Variants in PHF20 observed in about 807,000 individuals in gnomAD.
The protein encoded by PHF20 is glioma-expressed antigen 2.
Under a neutral mutation model 113.5 loss-of-function variants are expected in PHF20, and 23 were observed. The ratio of observed to expected loss-of-function variants is 0.20; its 90% CI spans 0.15 to 0.29. The LOEUF (loss-of-function observed/expected upper bound fraction) is 0.29, where lower values mean the gene tolerates loss of function less well. Among genes scored for constraint, PHF20 ranks in the 10% least tolerant of loss-of-function variants. The probability of loss-of-function intolerance (pLI) is 1.00; values close to 1 mark genes in which losing one functional copy is unlikely to be tolerated. For synonymous variants in PHF20, 434 were observed against 457.3 expected, an observed-to-expected ratio of 0.95 and a Z score of 0.65; for missense variants, 943 against 1,219.6, an observed-to-expected ratio of 0.77 and a Z score of 3.38.
At chr20:35,794,155 G>A (rs1379591898) in intron 1 of PHF20, among the ~76,000 whole-genome samples, 2 of 151,844 alleles carry the variant, frequency 1.3e-5, no homozygotes, top group African/African-American at 2.4e-5. Context: ...ACAAAAATTA[G>A]CCAGGCGTGG....
intron 10 of PHF20, among the ~76,000 whole-genome samples, chr20:35,906,762 AG>A (rs1180754762): frequency 1.3e-5 from 2 of 152,174 alleles, no homozygotes; most frequent in African/African-American, 4.8e-5. Flanking sequence ...CCCTCTCTCA[AG>A]GGAACATGGA....
chr20:35,921,782 T>G (rs1197769083), intron 13 of PHF20, among the ~76,000 whole-genome samples: 2 of 151,198 alleles, frequency 1.3e-5, no homozygotes, highest in African/African-American at 2.4e-5. Flanking sequence ...TTTAAAAGGA[T>G]GTTGAAGATC....
At chr20:35,916,955 G>A (rs1040943878) in intron 12 of PHF20, among the ~76,000 whole-genome samples, 3 of 152,066 alleles carry the variant, frequency 2.0e-5, no homozygotes, top group Admixed American at 6.6e-5. Context: ...GTGGAGATGG[G>A]GTTTTGCCAT....
chr20:35,856,450 A>G (rs1159954510), intron 4 of PHF20: 2 of 152,214 alleles, frequency 1.3e-5, no homozygotes, highest in African/African-American at 4.8e-5. Flanking sequence ...GGTAACTTGC[A>G]TTTCTAATGA....
At chr20:35,861,334 TG>T (rs1465713542) in intron 5 of PHF20, among the ~76,000 whole-genome samples, 1 of 152,216 alleles carries the variant, frequency 6.6e-6, no homozygotes, top group African/African-American at 2.4e-5. Context: ...AACGTTTTGG[TG>T]TGTAACTTGA....
intron 1 of PHF20, among the ~76,000 whole-genome samples, chr20:35,776,468 G>A (rs533241233): frequency 1.3e-5 from 2 of 152,282 alleles, no homozygotes; most frequent in South Asian, 2.1e-4. Context: ...TTCTCCTTTT[G>A]TACCCACATG....
intron 15 of PHF20, among the ~76,000 whole-genome samples, chr20:35,932,101 T>G (rs2055768475): frequency 6.8e-6 from 1 of 147,134 alleles, no homozygotes; most frequent in African/African-American, 2.5e-5. Context: ...GGAGTCTCAC[T>G]CTGTCACCCA....
rs1230852891 is a variant in PHF20, at chr20:35,831,377, A to AT, written c.84-11195dup. 5.3e-5 allele frequency among the ~76,000 whole-genome samples: 8 copies of AT among 152,110 alleles called. No homozygotes were observed. The East Asian group carries it at 1.5e-3, about 29-fold the overall frequency. ...CAGATGGGGTCTCCCTATGTTTCCC[A>AT]TACTGATCTCAAACTCCTGGGCTCA... On this transcript the variant is annotated intron_variant, in intron 2 of 17. Coordinates refer to ENST00000374012, the MANE Select transcript of PHF20 (RefSeq NM_016436.5).
At chr20:35,937,349 T>C (rs925578644) in intron 15 of PHF20, among the ~76,000 whole-genome samples, 1 of 151,668 alleles carries the variant, frequency 6.6e-6, no homozygotes, top group Non-Finnish European at 1.5e-5. Context: ...ATGCCTGTAA[T>C]CCCAGCCACT....
At chr20:35,934,632 A>C (rs2055829120) in intron 15 of PHF20, among the ~76,000 whole-genome samples, 2 of 150,736 alleles carry the variant, frequency 1.3e-5, no homozygotes, top group African/African-American at 4.9e-5. Flanking sequence ...GAGGGGGAAA[A>C]GAGAGAAAGA....
rs1285009869 is a variant in PHF20, at chr20:35,949,452, G to A, written c.*1825G>A. On this transcript the variant is annotated 3_prime_UTR_variant, in exon 18 of 18. Coordinates refer to ENST00000374012, the MANE Select transcript of PHF20 (RefSeq NM_016436.5). ...ATCTGTGGAAGCTGTAACTTTTAAGGTAGTCAATTTCATGTCTTGTTCAAC... is the reference window on the plus strand; with the variant it reads ...ATCTGTGGAAGCTGTAACTTTTAAGATAGTCAATTTCATGTCTTGTTCAAC... 1.3e-5 allele frequency: 2 copies of A among 152,660 alleles called. No individual in the cohort carries two copies. The highest frequency in any genetic ancestry group is 1.3e-4 in the Admixed American group (2 of 15,286). 9.5% of individuals were successfully genotyped at this position (152,660 alleles called of 1,614,324 possible). A position where few individuals can be genotyped will look rare whatever the true frequency, so the allele number is the denominator to read the frequency against.
At chr20:35,927,098 C>T (rs546882571) in intron 13 of PHF20, among the ~76,000 whole-genome samples, 1 of 152,148 alleles carries the variant, frequency 6.6e-6, no homozygotes, top group Admixed American at 6.6e-5. Flanking sequence ...CCCCCTGTCC[C>T]CTCAATACTC....
intron 2 of PHF20, among the ~76,000 whole-genome samples, chr20:35,809,829 T>A (rs1356017666): frequency 6.6e-6 from 1 of 152,160 alleles, no homozygotes; most frequent in African/African-American, 2.4e-5. Flanking sequence ...TGCAGTGAGC[T>A]GCAATTGTGC....
chr20:35,789,786 TC>T (rs1354189759), intron 1 of PHF20, among the ~76,000 whole-genome samples: 1 of 150,080 alleles, frequency 6.7e-6, no homozygotes, highest in Non-Finnish European at 1.5e-5. Flanking sequence ...GACCTCATGA[TC>T]CGCCTGCCTG....
intron 10 of PHF20, among the ~76,000 whole-genome samples, chr20:35,905,052 C>T (rs11167278): frequency 0.098 from 14,814 of 151,886 alleles, 779 homozygotes; most frequent in Middle Eastern, 0.15. Context: ...CTCAAACTCC[C>T]GACCTCAGAT....
At chr20:35,921,703 A>T (rs1217795632) in intron 13 of PHF20, among the ~76,000 whole-genome samples, 1 of 151,070 alleles carries the variant, frequency 6.6e-6, no homozygotes. Flanking sequence ...CCCCAAAAAA[A>T]AGAAAAGAAA....
chr20:35,789,371 C>T (rs1310950800), intron 1 of PHF20, among the ~76,000 whole-genome samples: 1 of 148,022 alleles, frequency 6.8e-6, no homozygotes, highest in Non-Finnish European at 1.5e-5. Context: ...ACAGAGGTTG[C>T]AGTGAGCCAA....
chr20:35,780,032 G>A (rs962925682), intron 1 of PHF20, among the ~76,000 whole-genome samples: 30 of 152,070 alleles, frequency 2.0e-4, no homozygotes, highest in African/African-American at 7.2e-4. Flanking sequence ...AGGTCATTTG[G>A]CTAATAAGCA....
intron 14 of PHF20, among the ~76,000 whole-genome samples, chr20:35,930,366 A>G (rs2055728338): frequency 6.6e-6 from 1 of 152,218 alleles, no homozygotes; most frequent in South Asian, 2.1e-4. Context: ...TTAAGTAAAC[A>G]AGACTGTGTA....
Sources: gnomAD v4.1 joint callset for allele counts (sites outside exome capture counted in the v4.1 genomes callset) on GRCh38, gnomAD v4.1.1 for gene constraint, MANE v1.5 for transcripts, NCBI Gene and HGNC (gene_info 2026-07-23, HGNC 2026-07-21) for gene names.